Variants in YEATS4 observed in about 807,000 individuals in gnomAD.
YEATS4 encodes YEATS domain-containing protein 4.
A neutral mutation model predicts 30.1 loss-of-function variants in YEATS4; 17 were observed. That is an observed-to-expected ratio of 0.56 (90% CI 0.39 to 0.85). The LOEUF (loss-of-function observed/expected upper bound fraction) is 0.85. Ranked by LOEUF, YEATS4 falls within the 40% of genes least tolerant of loss-of-function variation. YEATS4 has a pLI of 0.00. For missense variants in YEATS4, 142 were observed against 268.3 expected (o/e 0.53, Z 3.29); for synonymous variants, 85 against 87.5 (o/e 0.97, Z 0.16).
At chr12:69,360,313 C>T (rs922426400) in intron 1 of YEATS4, among the ~76,000 whole-genome samples, 1 of 152,192 alleles carries the variant, frequency 6.6e-6, no homozygotes, top group African/African-American at 2.4e-5. Context: ...ACTCCGAGGG[C>T]TGGGAAAGCT....
At chr12:69,367,093 T>G (rs1875464848) in intron 4 of YEATS4, among the ~76,000 whole-genome samples, 1 of 152,216 alleles carries the variant, frequency 6.6e-6, no homozygotes, top group Non-Finnish European at 1.5e-5. Flanking sequence ...TAGTTTGGGC[T>G]TGCATATCTC....
At chr12:69,366,011 C>A in intron 4 of YEATS4, 127 bp downstream of exon 4, 1 of 613,284 alleles carries the variant, frequency 1.6e-6, no homozygotes, top group Non-Finnish European at 2.5e-6. Flanking sequence ...TGTATCTTGC[C>A]ATGAGTTAAG....
At chr12:69,378,333 A>G (rs1471529494) in intron 6 of YEATS4, among the ~76,000 whole-genome samples, 1 of 151,874 alleles carries the variant, frequency 6.6e-6, no homozygotes, top group Non-Finnish European at 1.5e-5. Flanking sequence ...GTGTCTTTTG[A>G]TTGGAGACTT....
At chr12:69,415,667 T>C in the YEATS4 span, among the ~76,000 whole-genome samples, 2 of 152,246 alleles carry the variant, frequency 1.3e-5, no homozygotes, top group African/African-American at 2.4e-5. Context: ...ACAGCCTCAA[T>C]GTGTAGGAAA....
intron 6 of YEATS4, among the ~76,000 whole-genome samples, chr12:69,384,170 T>C (rs1876183106): frequency 6.6e-6 from 1 of 152,216 alleles, no homozygotes; most frequent in African/African-American, 2.4e-5. Flanking sequence ...TATGATCACT[T>C]TGAAAAGGTG....
chr12:69,362,334 G>A (rs576238075), intron 1 of YEATS4, among the ~76,000 whole-genome samples: 2 of 136,966 alleles, frequency 1.5e-5, no homozygotes, highest in African/African-American at 2.6e-5. Context: ...GATTAAACAC[G>A]TAAGTAAAAA....
chr12:69,386,959 A>G (rs1481095287), intron 6 of YEATS4, among the ~76,000 whole-genome samples: 1 of 152,128 alleles, frequency 6.6e-6, no homozygotes, highest in Non-Finnish European at 1.5e-5. Context: ...TATAACAATG[A>G]ACTCTAATAA....
chr12:69,425,563 T>C, the YEATS4 span, among the ~76,000 whole-genome samples: 1 of 152,130 alleles, frequency 6.6e-6, no homozygotes, highest in Non-Finnish European at 1.5e-5. Context: ...CTCAAGTCAG[T>C]CCAACCAGAC....
the YEATS4 span, among the ~76,000 whole-genome samples, chr12:69,420,525 G>A: frequency 3.3e-5 from 5 of 152,062 alleles, no homozygotes; most frequent in South Asian, 2.1e-4. Flanking sequence ...TGAAAAGAAC[G>A]TGAGGGAGAG....
intron 6 of YEATS4, among the ~76,000 whole-genome samples, chr12:69,374,992 C>T (rs867981690): frequency 4.1e-4 from 41 of 101,014 alleles, no homozygotes; most frequent in Admixed American, 2.0e-3. Context: ...GACAGGGCGG[C>T]GGCCGGGCGG....
the YEATS4 span, among the ~76,000 whole-genome samples, chr12:69,405,374 T>C: frequency 6.6e-6 from 1 of 152,252 alleles, no homozygotes; most frequent in African/African-American, 2.4e-5. Context: ...TATAACAATG[T>C]ATTGGTCTCG....
At chr12:69,411,695 G>C in the YEATS4 span, among the ~76,000 whole-genome samples, 1 of 152,196 alleles carries the variant, frequency 6.6e-6, no homozygotes, top group Non-Finnish European at 1.5e-5. Context: ...TTATTGAGAA[G>C]GTGGCATTAG....
chr12:69,405,566 T>C, the YEATS4 span, among the ~76,000 whole-genome samples: 3 of 152,224 alleles, frequency 2.0e-5, no homozygotes, highest in Non-Finnish European at 2.9e-5. Flanking sequence ...GGGGCCATTA[T>C]TAAGTAAAAT....
chr12:69,369,176 T>C (rs191110835), intron 4 of YEATS4, among the ~76,000 whole-genome samples: 1 of 152,234 alleles, frequency 6.6e-6, no homozygotes, highest in East Asian at 1.9e-4. Flanking sequence ...TCTCAATTCC[T>C]CTAGAAATTA....
intron 1 of YEATS4, among the ~76,000 whole-genome samples, chr12:69,360,728 C>T (rs979337727): frequency 2.0e-5 from 3 of 150,652 alleles, no homozygotes; most frequent in Admixed American, 6.6e-5. Flanking sequence ...CGCAATGGCA[C>T]GATCTCGGCT....
chr12:69,401,311 T>C, the YEATS4 span: 1 of 152,204 alleles, frequency 6.6e-6, no homozygotes, highest in Non-Finnish European at 1.5e-5. Flanking sequence ...AAAAAATAGA[T>C]ATAAACCAAA....
At chr12:69,410,463 C>T in the YEATS4 span, among the ~76,000 whole-genome samples, 1 of 152,290 alleles carries the variant, frequency 6.6e-6, no homozygotes, top group East Asian at 1.9e-4. Flanking sequence ...ACACAGTTAA[C>T]ATATTCCTAT....
the YEATS4 span, among the ~76,000 whole-genome samples, chr12:69,422,363 G>T: frequency 6.6e-6 from 1 of 152,286 alleles, no homozygotes; most frequent in Admixed American, 6.5e-5. Flanking sequence ...CAGGTGCAGT[G>T]GCTCACGCCT....
downstream of YEATS4, among the ~76,000 whole-genome samples, chr12:69,391,246 A>G (rs1382613924): frequency 6.6e-6 from 1 of 151,972 alleles, no homozygotes; most frequent in African/African-American, 2.4e-5. Context: ...ATGAGCTGAG[A>G]TCACGCCACT....
Sources: allele counts gnomAD v4.1 joint callset (sites outside exome capture counted in the v4.1 genomes callset), GRCh38; gene constraint gnomAD v4.1.1; transcripts MANE v1.5; gene names NCBI Gene and HGNC (gene_info 2026-07-23, HGNC 2026-07-21).